The following CPM variants were observed in gnomAD, a reference collection of about 807,000 sequenced individuals.
CPM encodes the protein carboxypeptidase M.
CPM carries 35 observed loss-of-function variants against 46.4 expected under a neutral mutation model. That is an observed-to-expected ratio of 0.75 (90% CI 0.58 to 1.00). The LOEUF is 1.00. CPM is among the 50% of genes least tolerant of loss of function. CPM has a pLI of 0.00. For missense variants in CPM, 422 were observed against 530.4 expected (o/e 0.80, Z 2.01); for synonymous variants, 195 against 195.3 (o/e 1.00, Z 0.01).
At chr12:68,895,824 A>G (rs548182217) in intron 2 of CPM, among the ~76,000 whole-genome samples, 2 of 152,332 alleles carry the variant, frequency 1.3e-5, no homozygotes, top group East Asian at 3.9e-4. Context: ...TGTGCCATGA[A>G]TACACTCATT....
intron 6 of CPM, among the ~76,000 whole-genome samples, chr12:68,867,842 T>C (rs1451911394): frequency 6.6e-6 from 1 of 152,146 alleles, no homozygotes; most frequent in Admixed American, 6.5e-5. Context: ...AAGGGTTTGT[T>C]TTAAATAGCA....
At chr12:68,843,094 T>G (rs996717697) in intron 5 of CPM, 54 of 154,850 alleles carry the variant, frequency 3.5e-4, no homozygotes, top group Non-Finnish European at 6.0e-4. Flanking sequence ...GTTGTGTGGG[T>G]TTTTTTTTTT....
rs568506125 is a variant in CPM at position 68,956,228 on chromosome 12, A to G, written c.-4+6941T>C. Among the ~76,000 whole-genome samples, 5 of 152,302 alleles carry G rather than the reference A, an allele frequency of 3.3e-5. No individual in the cohort carries two copies. The South Asian group carries it at 1.0e-3, about 32-fold the overall frequency. On this transcript the variant is annotated intron_variant, in intron 1 of 8. Transcript: ENST00000546373. Reference sequence around the variant, plus strand: ...TGGCCACAGTTTGCTCCAAAATCGGAGCAGGTGCCAGGAGCAGGGAGAGGT... The same window carrying G: ...TGGCCACAGTTTGCTCCAAAATCGGGGCAGGTGCCAGGAGCAGGGAGAGGT...
Position 68,944,717 on chromosome 12 carries a change from G to GTT in CPM, c.-3-11879_-3-11878dup, listed in dbSNP as rs58846868. Among the ~76,000 whole-genome samples, 473 of 148,506 alleles carry GTT rather than the reference G, an allele frequency of 3.2e-3. 5 individuals carry two copies. The highest frequency in any genetic ancestry group is 7.7e-3 in the African/African-American group (310 of 40,514). ...GCCTGGCTCCTTCACCTTGTTTTTT[G>GTT]TTTTTTTTTTTTAAATTACAATAAA... On this transcript the variant is annotated intron_variant, in intron 1 of 8. Transcript: ENST00000546373.
rs773911120 is a variant in CPM, at chr12:68,932,833, T to C, written c.5A>G (p.Asp2Gly). Residue 2 changes from aspartate (D) to glycine (G), a missense_variant, in exon 2 of 9, where the codon GAC becomes GGC. Transcript: ENST00000551568. MDFPCLWLGLLL... is the reference protein window; with the variant it reads MGFPCLWLGLLL... ...CAGCCCTAGCCAGAGGCACGGGAAG[T>C]CCATGTTCTAGAGATGAATAAAAAT... is the stretch of plus-strand genomic sequence containing the variant. The C allele has an allele frequency of 6.2e-7, 1 of 1,613,822 alleles. No homozygotes were observed. The highest frequency in any genetic ancestry group is 8.5e-7 in the Non-Finnish European group (1 of 1,179,926).
intron 3 of CPM, among the ~76,000 whole-genome samples, chr12:68,880,265 T>C (rs1489218714): frequency 1.3e-5 from 2 of 152,100 alleles, no homozygotes; most frequent in African/African-American, 4.8e-5. Flanking sequence ...CTTATTAAAA[T>C]GAGAAAGAAC....
At chr12:68,920,138 G>A (rs1453973647) in intron 2 of CPM, among the ~76,000 whole-genome samples, 4 of 152,188 alleles carry the variant, frequency 2.6e-5, no homozygotes, top group Admixed American at 2.6e-4. Context: ...CTTCTGCCAT[G>A]AGTAAAAGCC....
chr12:68,867,203 T>C (rs1448684647), intron 6 of CPM, among the ~76,000 whole-genome samples, 155 bp from the exon 7 acceptor site: 1 of 152,196 alleles, frequency 6.6e-6, no homozygotes, highest in Non-Finnish European at 1.5e-5. Flanking sequence ...TGACATTCTA[T>C]TACCCAGGCG....
At chr12:68,945,331 C>A (rs1013237291) in intron 1 of CPM, among the ~76,000 whole-genome samples, 1 of 152,176 alleles carries the variant, frequency 6.6e-6, no homozygotes, top group Admixed American at 6.5e-5. Flanking sequence ...CAAAGACAGC[C>A]AGCCTGTGAG....
intron 1 of CPM, chr12:68,957,605 G>C (rs1889043110): frequency 6.5e-6 from 1 of 154,848 alleles, no homozygotes. Context: ...TCCACATAAG[G>C]CAAAGACTCC....
intron 2 of CPM, among the ~76,000 whole-genome samples, chr12:68,925,288 TATTAATAATAATAATA>T (rs1248848826): frequency 6.6e-6 from 1 of 152,202 alleles, no homozygotes; most frequent in Non-Finnish European, 1.5e-5. Flanking sequence ...TTTGGGTATG[TATTAATAATAATAATA>T]ATAGCAGCTT....
intron 3 of CPM, among the ~76,000 whole-genome samples, chr12:68,875,671 T>C (rs972202819): frequency 2.6e-5 from 4 of 151,414 alleles, no homozygotes; most frequent in Non-Finnish European, 4.4e-5. Context: ...CCAGGTGTAG[T>C]GGCAGGTGCC....
intron 3 of CPM, among the ~76,000 whole-genome samples, chr12:68,873,918 G>T (rs1441373133): frequency 6.6e-6 from 1 of 151,802 alleles, no homozygotes; most frequent in Non-Finnish European, 1.5e-5. Context: ...CAATTCTCCT[G>T]CCTCACCCTC....
At chr12:68,913,590 C>T (rs3782343) in intron 2 of CPM, among the ~76,000 whole-genome samples, 1 of 151,984 alleles carries the variant, frequency 6.6e-6, no homozygotes, top group Non-Finnish European at 1.5e-5. Flanking sequence ...ACGTGTACAT[C>T]AACTAGATGT....
chr12:68,884,358 C>G (rs1013807584), intron 3 of CPM, among the ~76,000 whole-genome samples: 8 of 152,102 alleles, frequency 5.3e-5, no homozygotes, highest in African/African-American at 1.9e-4. Context: ...AAACTTATTC[C>G]TTTGCTAGGG....
intron 1 of CPM, among the ~76,000 whole-genome samples, chr12:68,962,156 C>T (rs925571160): frequency 6.0e-5 from 9 of 148,996 alleles, no homozygotes; most frequent in Non-Finnish European, 8.9e-5. Context: ...GCCAAGATAG[C>T]GCCACTGCAC....
chr12:68,904,166 C>T (rs1887239718), intron 2 of CPM, among the ~76,000 whole-genome samples: 1 of 152,196 alleles, frequency 6.6e-6, no homozygotes, highest in Non-Finnish European at 1.5e-5. Flanking sequence ...AGGTGTGAAC[C>T]ACCATGCTTG....
chr12:68,917,342 C>T (rs1413629338), intron 2 of CPM, among the ~76,000 whole-genome samples: 4 of 152,184 alleles, frequency 2.6e-5, no homozygotes, highest in Non-Finnish European at 1.5e-5. Flanking sequence ...AACTTATTTA[C>T]CCCTATAGTC....
At chr12:68,864,389 C>A (rs1885342823) in intron 7 of CPM, among the ~76,000 whole-genome samples, 1 of 152,064 alleles carries the variant, frequency 6.6e-6, no homozygotes, top group African/African-American at 2.4e-5. Context: ...TTACAGTGAG[C>A]CGAGATCATC....
Sources: gnomAD v4.1 joint callset for allele counts (sites outside exome capture counted in the v4.1 genomes callset) on GRCh38, gnomAD v4.1.1 for gene constraint, MANE v1.5 for transcripts, NCBI Gene and HGNC (gene_info 2026-07-23, HGNC 2026-07-21) for gene names.